Variants in CGNL1 observed in about 807,000 individuals in gnomAD.
CGNL1 encodes cingulin-like protein 1.
CGNL1 carries 132 observed loss-of-function variants against 141.2 expected under a neutral mutation model. The ratio of observed to expected loss-of-function variants is 0.93; its 90% CI spans 0.81 to 1.08. The LOEUF is 1.08. CGNL1 is among the 50% of genes least tolerant of loss of function. The pLI is 0.00. For synonymous variants in CGNL1, 690 were observed against 622.1 expected (o/e 1.11, Z -1.63); for missense variants, 1,870 against 1,588.6 (o/e 1.18, Z -3.01).
At chr15:57,486,996 T>C (rs1277138360) in intron 8 of CGNL1, among the ~76,000 whole-genome samples, 1 of 152,238 alleles carries the variant, frequency 6.6e-6, no homozygotes, top group Non-Finnish European at 1.5e-5. Context: ...GTAGATTATC[T>C]ACTTCTTTGC....
At chr15:57,488,795 AATGT>A (rs1479486990) in intron 8 of CGNL1, among the ~76,000 whole-genome samples, 1 of 152,236 alleles carries the variant, frequency 6.6e-6, no homozygotes, top group Non-Finnish European at 1.5e-5. Flanking sequence ...TGACTTCACT[AATGT>A]GGCAAAAACA....
chr15:57,456,478 A>G (rs560681724), intron 7 of CGNL1, among the ~76,000 whole-genome samples: 1 of 151,662 alleles, frequency 6.6e-6, no homozygotes, highest in Non-Finnish European at 1.5e-5. Context: ...TCTCTAATAA[A>G]CTGGCTTTCA....
chr15:57,393,180 G>A (rs1316866557), intron 1 of CGNL1, among the ~76,000 whole-genome samples: 2 of 152,160 alleles, frequency 1.3e-5, no homozygotes, highest in Non-Finnish European at 2.9e-5. Context: ...TCAAAAGAAA[G>A]AATGTTGTAA....
At position 57,439,618 on chromosome 15, in the gene CGNL1, T is replaced by A; in HGVS notation, c.1602+17T>A. ...AATACTCAGGTAACACTAGTGCGATTCCTGTTTGGTTTTTTTTCTCTTCCT... is the reference window on the plus strand; with the variant it reads ...AATACTCAGGTAACACTAGTGCGATACCTGTTTGGTTTTTTTTCTCTTCCT... On this transcript the variant is annotated intron_variant, in intron 2 of 18. Transcript: ENST00000281282. 6.2e-7 allele frequency: 1 copy of A among 1,602,600 alleles called. No individual in the cohort carries two copies.
intron 14 of CGNL1, among the ~76,000 whole-genome samples, chr15:57,532,533 A>T (rs1284006980): frequency 2.0e-5 from 3 of 152,228 alleles, no homozygotes; most frequent in African/African-American, 7.2e-5. Context: ...TTGAGAAATT[A>T]GTTCCGTCAT....
At chr15:57,456,761 G>A (rs2063383973) in intron 7 of CGNL1, among the ~76,000 whole-genome samples, 1 of 152,124 alleles carries the variant, frequency 6.6e-6, no homozygotes, top group African/African-American at 2.4e-5. Flanking sequence ...TGCCACGATG[G>A]TGGGGTTTTC....
Position 57,523,630 on chromosome 15 carries a change from C to T in CGNL1, c.2857C>T (p.Leu953=). The T allele has an allele frequency of 6.2e-7, 1 of 1,614,064 alleles. No homozygotes were observed. Among genetic ancestry groups the T allele is most frequent in the Non-Finnish European group, 8.5e-7 (1 of 1,180,010 alleles). ...RWHLGKTIEK[L]QKEMADIVEA... is the part of the protein sequence containing the mutation. The stretch of plus-strand genomic sequence containing the variant: ...GCACCTGGGCAAAACCATTGAGAAA[C>T]TGCAGAAGGAGGTGAGGGGCTGGAG... The change falls in exon 11 of 19, where the codon CTG becomes TTG. Residue 953 remains leucine (L), a synonymous_variant. Transcript: ENST00000281282.
intron 8 of CGNL1, among the ~76,000 whole-genome samples, chr15:57,486,284 A>G (rs1353387264): frequency 3.9e-5 from 6 of 152,086 alleles, no homozygotes; most frequent in African/African-American, 1.4e-4. Context: ...ATGTTAACCA[A>G]ACTTTAGGGC....
chr15:57,442,182 G>GGAAAAAAAAAAAAAAAAAAAAAAA lies in CGNL1; in HGVS notation c.1698-191_1698-190insGAAAAAAAAAAAAAAAAAAAAAAA, dbSNP rs1491455852. On this transcript the variant is annotated intron_variant, in intron 3 of 18. Transcript: ENST00000281282. ...TTGAGTGGTAACACATCATTTATTT[G>GGAAAAAAAAAAAAAAAAAAAAAAA]AAAAAAAAAAAAAAAAAAAAAGACA... is the stretch of plus-strand genomic sequence containing the variant. Among the ~76,000 whole-genome samples the GGAAAAAAAAAAAAAAAAAAAAAAA allele has an allele frequency of 3.7e-4, 36 of 96,498 alleles. 4 individuals carry two copies. Among genetic ancestry groups the GGAAAAAAAAAAAAAAAAAAAAAAA allele is most frequent in the East Asian group, 3.2e-3 (9 of 2,810 alleles). 63.3% of individuals were successfully genotyped at this position (96,498 alleles called of 152,430 possible). A position where few individuals can be genotyped will look rare whatever the true frequency, so the allele number is the denominator to read the frequency against.
intron 1 of CGNL1, among the ~76,000 whole-genome samples, chr15:57,383,298 T>TTTTTTTTTTTTTG (rs1555428834): frequency 1.4e-5 from 2 of 141,618 alleles, no homozygotes; most frequent in African/African-American, 2.7e-5. Flanking sequence ...CTTCCTTTTT[T>TTTTTTTTTTTTTG]TTTTTTTGTT....
intron 8 of CGNL1, among the ~76,000 whole-genome samples, chr15:57,496,559 T>C (rs959615485): frequency 3.3e-5 from 5 of 152,200 alleles, no homozygotes; most frequent in Non-Finnish European, 7.3e-5. Context: ...CCGAAACTGG[T>C]CCCTGGTGCC....
chr15:57,382,249 G>T (rs1223953693), intron 1 of CGNL1, among the ~76,000 whole-genome samples: 1 of 152,178 alleles, frequency 6.6e-6, no homozygotes, highest in Non-Finnish European at 1.5e-5. Context: ...AAGGGCTAGT[G>T]AATGAATGTT....
intron 14 of CGNL1, among the ~76,000 whole-genome samples, chr15:57,537,738 A>C (rs1255523504): frequency 1.3e-5 from 2 of 152,172 alleles, no homozygotes; most frequent in African/African-American, 4.8e-5. Flanking sequence ...CTCTGACATA[A>C]AACCCACTGG....
intron 8 of CGNL1, among the ~76,000 whole-genome samples, chr15:57,464,404 A>G (rs1021694004): frequency 1.3e-5 from 2 of 152,240 alleles, no homozygotes; most frequent in Non-Finnish European, 2.9e-5. Flanking sequence ...ATAAAATAAC[A>G]TAGACCAATA....
At chr15:57,382,776 G>A (rs1267574597) in intron 1 of CGNL1, among the ~76,000 whole-genome samples, 1 of 152,192 alleles carries the variant, frequency 6.6e-6, no homozygotes, top group African/African-American at 2.4e-5. Flanking sequence ...GGAATCCTGT[G>A]ATGGGAGTGT....
At chr15:57,500,314 G>A (rs1001319235) in intron 8 of CGNL1, among the ~76,000 whole-genome samples, 5 of 152,218 alleles carry the variant, frequency 3.3e-5, no homozygotes, top group South Asian at 2.1e-4. Context: ...TGTTGGGAAT[G>A]GTGCTGCCAT....
At chr15:57,431,733 A>AT (rs11400337) in intron 1 of CGNL1, among the ~76,000 whole-genome samples, 87,507 of 151,112 alleles carry the variant, frequency 0.58, 26,086 homozygotes, top group East Asian at 0.71. Context: ...TTTTTTTGTA[A>AT]TTTTTTTTTT....
At chr15:57,462,376 G>T (rs1318512799) in intron 8 of CGNL1, among the ~76,000 whole-genome samples, 1 of 152,110 alleles carries the variant, frequency 6.6e-6, no homozygotes, top group African/African-American at 2.4e-5. Flanking sequence ...GTTACAAGAG[G>T]GTTAATTGGC....
At chr15:57,497,681 G>A (rs1299140227) in intron 8 of CGNL1, among the ~76,000 whole-genome samples, 1 of 152,190 alleles carries the variant, frequency 6.6e-6, no homozygotes, top group Admixed American at 6.5e-5. Context: ...GGAGGGTGTG[G>A]GTGGGCCAGG....
Sources: allele counts gnomAD v4.1 joint callset (sites outside exome capture counted in the v4.1 genomes callset), GRCh38; gene constraint gnomAD v4.1.1; transcripts MANE v1.5; gene names NCBI Gene and HGNC (gene_info 2026-07-23, HGNC 2026-07-21).